The following ROBO2 variants were observed in gnomAD, a reference collection of about 807,000 sequenced individuals.
The protein encoded by ROBO2 is roundabout homolog 2.
ROBO2 carries 53 observed loss-of-function variants against 160.8 expected under a neutral mutation model. The observed-to-expected ratio is 0.33, with a 90% confidence interval of 0.26 to 0.41. The LOEUF is 0.41. Among genes scored for constraint, ROBO2 ranks in the 10% least tolerant of loss-of-function variants. The pLI, the probability that ROBO2 is intolerant of heterozygous loss-of-function variation, is 1.00. For missense variants in ROBO2, 1,577 were observed against 1,722.4 expected (o/e 0.92, Z 1.49); for synonymous variants, 664 against 611.7 (o/e 1.09, Z -1.26).
chr3:77,343,678 C>A (rs9812557), intron 2 of ROBO2, among the ~76,000 whole-genome samples: 66,439 of 151,884 alleles, frequency 0.44, 15,475 homozygotes, highest in East Asian at 0.72. Flanking sequence ...TTGCTCTTGA[C>A]ATACAAATGA....
At chr3:77,453,353 C>T (rs1050863624) in intron 2 of ROBO2, among the ~76,000 whole-genome samples, 2 of 150,818 alleles carry the variant, frequency 1.3e-5, no homozygotes, top group Non-Finnish European at 2.9e-5. Flanking sequence ...GGATTGATTC[C>T]TATTAGTCAC....
chr3:76,381,601 G>A (rs146246630), intron 2 of ROBO2, among the ~76,000 whole-genome samples: 2,632 of 152,098 alleles, frequency 0.017, 39 homozygotes, highest in Non-Finnish European at 0.027. Flanking sequence ...CACCCACCTC[G>A]GCCTCCCAAA....
At chr3:76,410,761 C>T (rs1490691944) in intron 2 of ROBO2, among the ~76,000 whole-genome samples, 2 of 152,070 alleles carry the variant, frequency 1.3e-5, no homozygotes, top group Non-Finnish European at 1.5e-5. Context: ...ATATACATGT[C>T]TTTAATGGTA....
At position 77,611,136 on chromosome 3, in the gene ROBO2, A is replaced by C. The variant is rs76592778; in HGVS notation, c.3293+3182A>C. Among the ~76,000 whole-genome samples, 2,837 of 152,126 alleles carry C rather than the reference A, an allele frequency of 0.019. 150 individuals are homozygous for C. In the East Asian group the frequency reaches 0.2, roughly 11 times the overall value. ...ACACGGTGAAACCCCGTCTCTACTAAAAATACAAAAAATTAGCTGGGCGAG... is the reference window on the plus strand; with the variant it reads ...ACACGGTGAAACCCCGTCTCTACTACAAATACAAAAAATTAGCTGGGCGAG... On this transcript the variant is annotated intron_variant, in intron 21 of 25. Transcript: ENST00000461745.
intron 2 of ROBO2, among the ~76,000 whole-genome samples, chr3:76,904,537 C>T (rs2075458355): frequency 6.6e-6 from 1 of 152,098 alleles, no homozygotes; most frequent in South Asian, 2.1e-4. Flanking sequence ...AGATGCAGTA[C>T]CAGTTTCATC....
At chr3:76,863,455 A>AAAAAAAG (rs1553665913) in intron 2 of ROBO2, among the ~76,000 whole-genome samples, 1 of 150,828 alleles carries the variant, frequency 6.6e-6, no homozygotes, top group African/African-American at 2.4e-5. Context: ...AAGAAAAAAG[A>AAAAAAAG]AAAGAAAAGA....
At chr3:77,099,932 T>A (rs536321046) in intron 2 of ROBO2, among the ~76,000 whole-genome samples, 28 of 152,216 alleles carry the variant, frequency 1.8e-4, no homozygotes, top group Middle Eastern at 3.4e-3. Context: ...AAATCTGGTC[T>A]ATTTTAAATA....
intron 1 of ROBO2, among the ~76,000 whole-genome samples, chr3:77,072,694 T>C (rs1388499819): frequency 1.3e-5 from 2 of 152,192 alleles, no homozygotes; most frequent in African/African-American, 4.8e-5. Context: ...GTCTCTGTTT[T>C]GTTTGCAAGT....
At chr3:75,975,814 A>G (rs980981740) in intron 2 of ROBO2, among the ~76,000 whole-genome samples, 2 of 151,596 alleles carry the variant, frequency 1.3e-5, no homozygotes, top group African/African-American at 4.8e-5. Context: ...ACAAAATCCC[A>G]TCTGGCTATA....
At position 76,473,381 on chromosome 3, in the gene ROBO2, T is replaced by A. The variant is rs60661035; in HGVS notation, c.109+535779T>A. ...TTTTGATGTGTAATGGATTCACACC[T>A]ACATGATTATTTAACAAATTATTTT... On this transcript the variant is annotated intron_variant, in intron 2 of 26. Transcript: ENST00000487694. Among the ~76,000 whole-genome samples the A allele has an allele frequency of 8.2e-3, 1,252 of 152,246 alleles. 14 individuals are homozygous for A. Among genetic ancestry groups the A allele is most frequent in the African/African-American group, 0.028 (1,174 of 41,578 alleles).
intron 2 of ROBO2, among the ~76,000 whole-genome samples, chr3:76,895,058 T>A (rs1307188993): frequency 6.6e-6 from 1 of 152,094 alleles, no homozygotes; most frequent in Admixed American, 6.6e-5. Context: ...AACTTTGAAT[T>A]GAGATATTCC....
At chr3:76,843,558 G>C (rs1428434223) in intron 2 of ROBO2, among the ~76,000 whole-genome samples, 1 of 151,942 alleles carries the variant, frequency 6.6e-6, no homozygotes, top group Non-Finnish European at 1.5e-5. Context: ...TTCTTCTTGA[G>C]TTATTTAGAT....
At chr3:76,598,884 A>C (rs1320071233) in intron 2 of ROBO2, among the ~76,000 whole-genome samples, 3 of 152,194 alleles carry the variant, frequency 2.0e-5, no homozygotes, top group Non-Finnish European at 4.4e-5. Context: ...GTAACGAAGC[A>C]ACAGCTACTA....
chr3:77,003,763 T>A (rs1440844728), intron 2 of ROBO2, among the ~76,000 whole-genome samples: 1 of 152,148 alleles, frequency 6.6e-6, no homozygotes, highest in Admixed American at 6.5e-5. Flanking sequence ...TTGACCAGGC[T>A]GGTCTCGAAC....
chr3:76,579,954 C>A (rs2085552986), intron 2 of ROBO2, among the ~76,000 whole-genome samples: 2 of 152,104 alleles, frequency 1.3e-5, no homozygotes, highest in East Asian at 1.9e-4. Flanking sequence ...TAGACAGGGT[C>A]CATTCTCTGG....
intron 2 of ROBO2, among the ~76,000 whole-genome samples, chr3:76,525,449 G>C (rs1418259412): frequency 2.0e-5 from 3 of 151,912 alleles, no homozygotes; most frequent in African/African-American, 7.2e-5. Flanking sequence ...GGTTACCTTA[G>C]GCTTAAAGGC....
chr3:77,622,578 A>C (rs940461084), intron 23 of ROBO2, 146 bp downstream of exon 24: 9 of 748,384 alleles, frequency 1.2e-5, no homozygotes, highest in Non-Finnish European at 2.0e-5. Context: ...TACAAAATTC[A>C]AAAAGGATTT....
intron 2 of ROBO2, among the ~76,000 whole-genome samples, chr3:76,003,009 A>T (rs1230231572): frequency 1.3e-5 from 2 of 152,186 alleles, no homozygotes; most frequent in African/African-American, 2.4e-5. Context: ...CTCTCCATGC[A>T]GTACTCTATC....
intron 2 of ROBO2, among the ~76,000 whole-genome samples, chr3:77,211,041 A>G (rs573728747): frequency 3.9e-5 from 6 of 152,302 alleles, no homozygotes; most frequent in Admixed American, 6.5e-5. Flanking sequence ...TAGTGCCGCA[A>G]TAAACATATG....
Sources: allele counts gnomAD v4.1 joint callset (sites outside exome capture counted in the v4.1 genomes callset), GRCh38; gene constraint gnomAD v4.1.1; transcripts MANE v1.5; gene names NCBI Gene and HGNC (gene_info 2026-07-23, HGNC 2026-07-21).